The following KCNH8 variants were observed in gnomAD, a reference collection of about 807,000 sequenced individuals.
The protein encoded by KCNH8 is voltage-gated delayed rectifier potassium channel KCNH8.
KCNH8 carries 70 observed loss-of-function variants against 103.6 expected under a neutral mutation model. That is an observed-to-expected ratio of 0.68 (90% CI 0.56 to 0.82). The LOEUF is 0.82. Among genes scored for constraint, KCNH8 ranks in the 40% least tolerant of loss-of-function variants. KCNH8 has a pLI of 0.00. For synonymous variants in KCNH8, 498 were observed against 489.4 expected (o/e 1.02, Z -0.23); for missense variants, 1,217 against 1,329.9 (o/e 0.92, Z 1.32).
At chr3:19,258,394 A>T (rs932119249) in intron 2 of KCNH8, among the ~76,000 whole-genome samples, 1 of 151,938 alleles carries the variant, frequency 6.6e-6, no homozygotes, top group African/African-American at 2.4e-5. Context: ...GAGGTTTTTG[A>T]CTCAGTAATT....
intron 11 of KCNH8, among the ~76,000 whole-genome samples, chr3:19,489,446 A>G (rs1399890182): frequency 6.6e-6 from 1 of 152,124 alleles, no homozygotes; most frequent in Non-Finnish European, 1.5e-5. Context: ...ATATACGGGA[A>G]TTGATACGGG....
chr3:19,174,831 A>T (rs1408631018), intron 1 of KCNH8, among the ~76,000 whole-genome samples: 2 of 152,224 alleles, frequency 1.3e-5, no homozygotes, highest in Non-Finnish European at 2.9e-5. Context: ...AGTAAATAGT[A>T]TGTGCCTGTT....
chr3:19,508,438 A>C (rs960324544), intron 11 of KCNH8, among the ~76,000 whole-genome samples: 2 of 152,218 alleles, frequency 1.3e-5, no homozygotes, highest in African/African-American at 4.8e-5. Context: ...ATTACTTTGC[A>C]GCCATCACCA....
intron 11 of KCNH8, among the ~76,000 whole-genome samples, chr3:19,475,597 A>G (rs558218109): frequency 1.1e-4 from 16 of 152,344 alleles, no homozygotes; most frequent in African/African-American, 3.8e-4. Flanking sequence ...GCTCAGGCTC[A>G]AAATATAAAC....
intron 4 of KCNH8, among the ~76,000 whole-genome samples, chr3:19,346,914 A>G (rs1194955800): frequency 6.6e-6 from 1 of 152,094 alleles, no homozygotes; most frequent in Non-Finnish European, 1.5e-5. Flanking sequence ...TTTGTCTTCT[A>G]GCAACAAGGG....
intron 2 of KCNH8, among the ~76,000 whole-genome samples, chr3:19,258,979 A>ATATATATC (rs1316736628): frequency 1.6e-5 from 2 of 127,068 alleles, no homozygotes; most frequent in African/African-American, 5.7e-5. Flanking sequence ...ATATATATAT[A>ATATATATC]TATCTGGAAA....
intron 11 of KCNH8, among the ~76,000 whole-genome samples, chr3:19,493,682 G>C (rs984256911): frequency 3.9e-5 from 6 of 152,116 alleles, no homozygotes; most frequent in African/African-American, 1.2e-4. Context: ...TTTTCAAGGG[G>C]AAGGGTTTTT....
At chr3:19,517,474 G>A (rs1300298879) in intron 14 of KCNH8, among the ~76,000 whole-genome samples, 1 of 151,872 alleles carries the variant, frequency 6.6e-6, no homozygotes, top group Non-Finnish European at 1.5e-5. Context: ...GAGAAAAAGT[G>A]GAGAAGAAGA....
chr3:19,443,399 T>TAC (rs575048873), intron 8 of KCNH8, among the ~76,000 whole-genome samples: 60 of 149,948 alleles, frequency 4.0e-4, no homozygotes, highest in South Asian at 1.0e-3. Context: ...TATACATATA[T>TAC]ACACACACAC....
intron 11 of KCNH8, among the ~76,000 whole-genome samples, chr3:19,465,569 A>C (rs758396079): frequency 5.3e-5 from 8 of 152,028 alleles, no homozygotes; most frequent in Non-Finnish European, 1.0e-4. Context: ...TTCAACTTTC[A>C]AGTCTTATTA....
intron 5 of KCNH8, among the ~76,000 whole-genome samples, chr3:19,350,374 A>T (rs2065783860): frequency 6.6e-6 from 1 of 152,186 alleles, no homozygotes; most frequent in Middle Eastern, 3.4e-3. Flanking sequence ...CTTTGAAGAG[A>T]GGAGCGGTTC....
At chr3:19,493,575 C>T (rs1316886868) in intron 11 of KCNH8, among the ~76,000 whole-genome samples, 1 of 152,096 alleles carries the variant, frequency 6.6e-6, no homozygotes, top group Non-Finnish European at 1.5e-5. Context: ...AACTGTGAGT[C>T]AATTATACCC....
At chr3:19,377,532 C>T (rs1212617474) in intron 5 of KCNH8, among the ~76,000 whole-genome samples, 1 of 152,114 alleles carries the variant, frequency 6.6e-6, no homozygotes, top group Non-Finnish European at 1.5e-5. Flanking sequence ...CCACAGCTGT[C>T]CTATATTTTA....
intron 11 of KCNH8, among the ~76,000 whole-genome samples, chr3:19,497,386 C>T (rs1318340882): frequency 6.6e-6 from 1 of 152,024 alleles, no homozygotes; most frequent in Non-Finnish European, 1.5e-5. Flanking sequence ...GTGTTTAGTG[C>T]CATAAACTTC....
At chr3:19,227,431 T>C (rs2063944588) in intron 1 of KCNH8, among the ~76,000 whole-genome samples, 1 of 152,222 alleles carries the variant, frequency 6.6e-6, no homozygotes, top group South Asian at 2.1e-4. Context: ...GTTGTCTAGA[T>C]TGAAGATCAA....
intron 1 of KCNH8, among the ~76,000 whole-genome samples, chr3:19,235,807 G>A (rs1388051450): frequency 6.6e-6 from 1 of 152,154 alleles, no homozygotes; most frequent in Non-Finnish European, 1.5e-5. Context: ...CATCCTAGTT[G>A]AAATGACTTG....
chr3:19,152,211 T>C (rs1171028642), intron 1 of KCNH8, among the ~76,000 whole-genome samples: 1 of 152,138 alleles, frequency 6.6e-6, no homozygotes, highest in East Asian at 1.9e-4. Context: ...TTGCTTTAAG[T>C]AACTATTAAT....
intron 3 of KCNH8, 139 bp from the exon 4 acceptor site, chr3:19,342,448 A>G: frequency 3.1e-6 from 2 of 651,560 alleles, no homozygotes; most frequent in Non-Finnish European, 4.6e-6. Context: ...AATTAAATTA[A>G]ATGTCATTAG....
chr3:19,219,068 C>T, intron 1 of KCNH8, among the ~76,000 whole-genome samples: 1 of 152,146 alleles, frequency 6.6e-6, no homozygotes, highest in East Asian at 1.9e-4. Flanking sequence ...TCTTCCTACC[C>T]ACTGTGGGGC....
Sources: allele counts gnomAD v4.1 joint callset (sites outside exome capture counted in the v4.1 genomes callset), GRCh38; gene constraint gnomAD v4.1.1; transcripts MANE v1.5; gene names NCBI Gene and HGNC (gene_info 2026-07-23, HGNC 2026-07-21).